The following RASA1 variants were observed in gnomAD, a reference collection of about 807,000 sequenced individuals.
RASA1 encodes the protein ras GTPase-activating protein 1.
RASA1 carries 25 observed loss-of-function variants against 132.2 expected under a neutral mutation model. The ratio of observed to expected loss-of-function variants is 0.19; its 90% CI spans 0.14 to 0.26. The LOEUF (loss-of-function observed/expected upper bound fraction) is 0.26, where lower values mean the gene tolerates loss of function less well. RASA1 is among the 10% of genes least tolerant of loss of function. RASA1 has a pLI of 1.00. For synonymous variants in RASA1, 477 were observed against 449.9 expected, an observed-to-expected ratio of 1.06 and a Z score of -0.76; for missense variants, 964 against 1,299.2, an observed-to-expected ratio of 0.74 and a Z score of 3.97.
intron 1 of RASA1, among the ~76,000 whole-genome samples, chr5:87,286,989 CACACCATATATATACCATATATAT>C (rs1481994458): frequency 2.6e-3 from 376 of 144,638 alleles, no homozygotes; most frequent in Non-Finnish European, 4.1e-3. Flanking sequence ...ACCATATATA[CACACCATATATATACCATATATAT>C]ACACCATATA....
At chr5:87,359,736 T>C (rs1461023275) in intron 9 of RASA1, among the ~76,000 whole-genome samples, 1 of 152,228 alleles carries the variant, frequency 6.6e-6, no homozygotes, top group African/African-American at 2.4e-5. Context: ...AATTTTTTTA[T>C]ATTCCTAAGT....
At chr5:87,372,039 GAAA>G in intron 12 of RASA1, 76 bp from the exon 13 acceptor site, 2 of 1,020,322 alleles carry the variant, frequency 2.0e-6, no homozygotes, top group Non-Finnish European at 2.8e-6. Flanking sequence ...TGTTGAATTT[GAAA>G]AAAAAAACCT....
chr5:87,299,513 T>C (rs997090320), intron 1 of RASA1, among the ~76,000 whole-genome samples: 1 of 152,222 alleles, frequency 6.6e-6, no homozygotes, highest in African/African-American at 2.4e-5. Flanking sequence ...ATAAGGTTTG[T>C]ATATGGTTCT....
intron 8 of RASA1, among the ~76,000 whole-genome samples, chr5:87,350,970 CT>C (rs1759221712): frequency 6.6e-6 from 1 of 151,304 alleles, no homozygotes; most frequent in African/African-American, 2.4e-5. Context: ...GAAATAATTC[CT>C]AGGAAGATAA....
At chr5:87,292,462 A>G (rs755717326) in intron 1 of RASA1, among the ~76,000 whole-genome samples, 2 of 151,268 alleles carry the variant, frequency 1.3e-5, no homozygotes, top group South Asian at 2.1e-4. Flanking sequence ...TCTTTTTTCA[A>G]AGATCAATTG....
intron 15 of RASA1, 63 bp downstream of exon 15, chr5:87,374,979 CAATG>C: frequency 6.5e-7 from 1 of 1,530,044 alleles, no homozygotes. Context: ...TCAAAATTCA[CAATG>C]AAAGTCTTAA....
At chr5:87,290,896 T>C (rs905031255) in intron 1 of RASA1, among the ~76,000 whole-genome samples, 9 of 152,234 alleles carry the variant, frequency 5.9e-5, no homozygotes, top group Admixed American at 5.2e-4. Context: ...TTGGCAATTA[T>C]GAATAAAGGT....
chr5:87,369,912 G>A lies in RASA1; in HGVS notation c.1698+12G>A. The A allele has an allele frequency of 6.3e-7, 1 of 1,586,288 alleles. No homozygotes were observed. Among genetic ancestry groups the A allele is most frequent in the East Asian group, 2.2e-5 (1 of 44,470 alleles). On this transcript the variant is annotated intron_variant, in intron 12 of 24. Coordinates refer to ENST00000274376, the MANE Select transcript of RASA1 (RefSeq NM_002890.3). ...CAGAACAAGCAGAGGTAAGATTACTGTTTCTCAAACTACAGTATACTTTTA... is the reference window on the plus strand; with the variant it reads ...CAGAACAAGCAGAGGTAAGATTACTATTTCTCAAACTACAGTATACTTTTA...
At chr5:87,302,009 C>T (rs989529315) in intron 1 of RASA1, among the ~76,000 whole-genome samples, 1 of 152,034 alleles carries the variant, frequency 6.6e-6, no homozygotes, top group Non-Finnish European at 1.5e-5. Flanking sequence ...TATGAATTTT[C>T]TGATAATGAC....
At chr5:87,300,517 A>G (rs1580216220) in intron 1 of RASA1, among the ~76,000 whole-genome samples, 1 of 152,168 alleles carries the variant, frequency 6.6e-6, no homozygotes, top group East Asian at 1.9e-4. Context: ...ATTAAAATAA[A>G]AAGAGTTAGA....
At chr5:87,289,002 C>T (rs993110729) in intron 1 of RASA1, among the ~76,000 whole-genome samples, 13 of 152,100 alleles carry the variant, frequency 8.5e-5, no homozygotes, top group African/African-American at 2.7e-4. Flanking sequence ...ATTCATATAT[C>T]GTCAGTTATT....
At chr5:87,280,627 A>G (rs183095557) in intron 1 of RASA1, among the ~76,000 whole-genome samples, 1 of 151,998 alleles carries the variant, frequency 6.6e-6, no homozygotes, top group Admixed American at 6.6e-5. Context: ...AAATCTTTTC[A>G]TGTGCTTTTT....
At chr5:87,271,716 A>T (rs1753850213) in intron 1 of RASA1, among the ~76,000 whole-genome samples, 1 of 151,704 alleles carries the variant, frequency 6.6e-6, no homozygotes. Flanking sequence ...CTCTGACCTC[A>T]GGTGATCCAC....
chr5:87,287,166 T>G (rs1754634944), intron 1 of RASA1, among the ~76,000 whole-genome samples: 1 of 144,596 alleles, frequency 6.9e-6, no homozygotes, highest in Non-Finnish European at 1.5e-5. Context: ...ACACTGTATA[T>G]ATACACACCA....
rs778252685 is a variant in RASA1, at chr5:87,268,329, T to G, written c.-123T>G. 131 of 1,146,606 alleles carry G rather than the reference T, an allele frequency of 1.1e-4. No homozygotes were observed. In the Middle Eastern group the frequency reaches 1.2e-3, roughly 11 times the overall value. 71.0% of individuals were successfully genotyped at this position (1,146,606 alleles called of 1,614,324 possible). ...GCGGCGGGCTCTCTCCTTTTGTTGT[T>G]GTTTCCTCAGCCTGGGGAGCTGAAG... On this transcript the variant is annotated 5_prime_UTR_variant, in exon 1 of 25. Coordinates refer to ENST00000274376, the MANE Select transcript of RASA1 (RefSeq NM_002890.3).
At chr5:87,299,424 G>GT (rs1755261983) in intron 1 of RASA1, among the ~76,000 whole-genome samples, 1 of 152,044 alleles carries the variant, frequency 6.6e-6, no homozygotes, top group South Asian at 2.1e-4. Flanking sequence ...GTAAAATATA[G>GT]TAACATTTCT....
At chr5:87,342,283 T>C (rs985786457) in intron 6 of RASA1, among the ~76,000 whole-genome samples, 1 of 151,728 alleles carries the variant, frequency 6.6e-6, no homozygotes, top group African/African-American at 2.4e-5. Context: ...CTTAGTCTCC[T>C]GAGTAGCTGG....
chr5:87,380,636 G>C (rs1413010881), intron 20 of RASA1, 41 bp downstream of exon 20: 2 of 1,500,226 alleles, frequency 1.3e-6, no homozygotes, highest in Non-Finnish European at 1.9e-6. Context: ...CATACTAATA[G>C]GTGGATAATT....
intron 2 of RASA1, among the ~76,000 whole-genome samples, chr5:87,331,817 T>C (rs1346347220): frequency 2.6e-5 from 4 of 152,250 alleles, no homozygotes; most frequent in Admixed American, 2.6e-4. Flanking sequence ...GACTGCAGAA[T>C]AACAAAAAGT....
Sources: gnomAD v4.1 joint callset for allele counts (sites outside exome capture counted in the v4.1 genomes callset) on GRCh38, gnomAD v4.1.1 for gene constraint, MANE v1.5 for transcripts, NCBI Gene and HGNC (gene_info 2026-07-23, HGNC 2026-07-21) for gene names.